CNBD1: variants seen among roughly 807,000 people sequenced by gnomAD.
CNBD1 encodes the protein cyclic nucleotide-binding domain-containing protein 1.
A neutral mutation model predicts 54.4 loss-of-function variants in CNBD1; 71 were observed. The observed-to-expected ratio is 1.30, with a 90% CI of 1.08 to 1.59. CNBD1 has a LOEUF of 1.59. Among genes scored for constraint, CNBD1 ranks in the 40% most tolerant of loss-of-function variants. CNBD1 has a pLI of 0.00. For synonymous variants in CNBD1, 182 were observed against 170.7 expected (o/e 1.07, Z -0.51); for missense variants, 659 against 518.0 (o/e 1.27, Z -2.64).
chr8:86,882,647 A>G (rs1375626806), intron 1 of CNBD1, among the ~76,000 whole-genome samples: 1 of 152,146 alleles, frequency 6.6e-6, no homozygotes, highest in Non-Finnish European at 1.5e-5. Flanking sequence ...AATACCACTG[A>G]ACCTAGCAAT....
intron 4 of CNBD1, among the ~76,000 whole-genome samples, chr8:86,940,001 C>T (rs1334312251): frequency 6.6e-6 from 1 of 151,942 alleles, no homozygotes; most frequent in East Asian, 1.9e-4. Flanking sequence ...AATTAAACTG[C>T]AAGCAAAATA....
intron 4 of CNBD1, among the ~76,000 whole-genome samples, chr8:87,059,563 C>G (rs1259583734): frequency 1.3e-5 from 2 of 152,174 alleles, no homozygotes; most frequent in Non-Finnish European, 2.9e-5. Flanking sequence ...GCAAACACAT[C>G]CTTCTTCACA....
chr8:86,945,621 G>A (rs746361550), intron 4 of CNBD1, among the ~76,000 whole-genome samples: 1 of 152,140 alleles, frequency 6.6e-6, no homozygotes, highest in Admixed American at 6.6e-5. Context: ...CTTCAATGGA[G>A]TGGAAGGGGG....
chr8:87,297,702 G>GGTGT (rs10600761), intron 8 of CNBD1, among the ~76,000 whole-genome samples: 16 of 82,236 alleles, frequency 1.9e-4, no homozygotes, highest in East Asian at 2.9e-4. Context: ...GAGAATGTGG[G>GGTGT]GTGTGTGTGT....
intron 8 of CNBD1, among the ~76,000 whole-genome samples, chr8:87,330,950 C>G (rs886532761): frequency 6.6e-6 from 1 of 152,186 alleles, no homozygotes; most frequent in Non-Finnish European, 1.5e-5. Context: ...TTCACTCTGA[C>G]AATGTCTGTC....
chr8:87,314,167 AG>A (rs1237508236), intron 8 of CNBD1, among the ~76,000 whole-genome samples: 1 of 151,972 alleles, frequency 6.6e-6, no homozygotes, highest in East Asian at 1.9e-4. Context: ...ATATAAAAAA[AG>A]ATTATTTATG....
At chr8:87,096,456 G>A (rs530165868) in intron 4 of CNBD1, among the ~76,000 whole-genome samples, 10 of 150,440 alleles carry the variant, frequency 6.6e-5, no homozygotes, top group South Asian at 6.3e-4. Flanking sequence ...ATACAGTCAC[G>A]TTGGTTGTTA....
At chr8:86,981,557 C>CA (rs1435225399) in intron 4 of CNBD1, among the ~76,000 whole-genome samples, 5 of 152,150 alleles carry the variant, frequency 3.3e-5, no homozygotes, top group Non-Finnish European at 5.9e-5. Flanking sequence ...AATCAAGAGA[C>CA]AGAGTTTTAT....
chr8:87,053,484 C>T lies in CNBD1; in HGVS notation c.431+113730C>T, dbSNP rs568106767. Among the ~76,000 whole-genome samples, 11 of 152,312 alleles carry T rather than the reference C, an allele frequency of 7.2e-5. No individual in the cohort carries two copies. In the South Asian group the frequency reaches 2.3e-3, roughly 32 times the overall value. On this transcript the variant is annotated intron_variant, in intron 4 of 10. Transcript: ENST00000518476. ...GAGAAAAGAGAAGGCATTCCTTAGTCTCTTTCCTTTCTTTTGGAGTGACCC... is the reference window on the plus strand; with the variant it reads ...GAGAAAAGAGAAGGCATTCCTTAGTTTCTTTCCTTTCTTTTGGAGTGACCC...
intron 2 of CNBD1, among the ~76,000 whole-genome samples, chr8:86,899,409 A>G (rs961426520): frequency 1.3e-5 from 2 of 152,068 alleles, no homozygotes; most frequent in Admixed American, 6.5e-5. Flanking sequence ...TATTATCTGT[A>G]TGTATTCTAG....
chr8:87,079,437 A>G (rs1330536535), intron 4 of CNBD1, among the ~76,000 whole-genome samples: 1 of 152,126 alleles, frequency 6.6e-6, no homozygotes, highest in Non-Finnish European at 1.5e-5. Context: ...TTCCATTATC[A>G]GTATATGAGA....
intron 4 of CNBD1, among the ~76,000 whole-genome samples, chr8:86,965,246 G>T (rs1808040354): frequency 6.6e-6 from 1 of 152,134 alleles, no homozygotes; most frequent in Non-Finnish European, 1.5e-5. Context: ...ACAATAATAG[G>T]AAAGACTAAG....
intron 6 of CNBD1, among the ~76,000 whole-genome samples, chr8:87,263,022 C>G (rs947421664): frequency 1.3e-5 from 2 of 151,992 alleles, no homozygotes; most frequent in Non-Finnish European, 2.9e-5. Flanking sequence ...GAGCAGCAGA[C>G]CCAGATTAGA....
At chr8:86,940,607 C>G (rs775834977) in intron 4 of CNBD1, among the ~76,000 whole-genome samples, 1 of 151,998 alleles carries the variant, frequency 6.6e-6, no homozygotes, top group Non-Finnish European at 1.5e-5. Flanking sequence ...TAAAATTAAA[C>G]GAGTACCATG....
intron 4 of CNBD1, among the ~76,000 whole-genome samples, chr8:87,155,204 C>A (rs1563489326): frequency 1.3e-5 from 2 of 152,126 alleles, no homozygotes; most frequent in Admixed American, 6.5e-5. Flanking sequence ...TGTTTTATTT[C>A]TCAATCTCTT....
intron 4 of CNBD1, among the ~76,000 whole-genome samples, chr8:86,971,805 A>C (rs1808226069): frequency 6.6e-6 from 1 of 152,052 alleles, no homozygotes; most frequent in Admixed American, 6.6e-5. Flanking sequence ...TTTGTAACCA[A>C]CTGCCTCAAT....
chr8:87,389,952 C>T (rs1303798878), intron 2 of CNBD1, among the ~76,000 whole-genome samples: 1 of 152,056 alleles, frequency 6.6e-6, no homozygotes, highest in Non-Finnish European at 1.5e-5. Flanking sequence ...CACATATCTA[C>T]AACAATCTGA....
intron 8 of CNBD1, among the ~76,000 whole-genome samples, chr8:87,307,223 C>G (rs920281761): frequency 6.6e-6 from 1 of 152,016 alleles, no homozygotes; most frequent in Non-Finnish European, 1.5e-5. Context: ...ACAATGCAAA[C>G]GAAAATTGTA....
rs147728708 is a variant in CNBD1, at chr8:87,299,773, C to T, written c.1042+13102C>T. Among the ~76,000 whole-genome samples, 833 of 152,228 alleles carry T rather than the reference C, an allele frequency of 5.5e-3. 8 individuals are homozygous for T. The highest frequency in any genetic ancestry group is 0.027 in the Middle Eastern group (8 of 294). ...CTACTTTCTCATGGCAGATGTGGCCCTATGCTAGGGAACACATAGTGGTAG... is the reference window on the plus strand; with the variant it reads ...CTACTTTCTCATGGCAGATGTGGCCTTATGCTAGGGAACACATAGTGGTAG... On this transcript the variant is annotated intron_variant, in intron 8 of 10. Coordinates refer to ENST00000518476, the MANE Select transcript of CNBD1 (RefSeq NM_173538.3).
Sources: gnomAD v4.1 joint callset for allele counts (sites outside exome capture counted in the v4.1 genomes callset) on GRCh38, gnomAD v4.1.1 for gene constraint, MANE v1.5 for transcripts, NCBI Gene and HGNC (gene_info 2026-07-23, HGNC 2026-07-21) for gene names.